GPR158: variants seen among roughly 807,000 people sequenced by gnomAD.
GPR158 encodes the protein G protein-coupled receptor 158.
GPR158 carries 30 observed loss-of-function variants against 78.2 expected under a neutral mutation model. The ratio of observed to expected loss-of-function variants is 0.38; its 90% CI spans 0.29 to 0.52. The LOEUF (loss-of-function observed/expected upper bound fraction) is 0.52, where lower values mean the gene tolerates loss of function less well. GPR158 is among the 20% of genes least tolerant of loss of function. The probability of loss-of-function intolerance (pLI) is 0.83; values close to 1 mark genes in which losing one functional copy is unlikely to be tolerated. For missense variants in GPR158, 1,463 were observed against 1,523.5 expected, an observed-to-expected ratio of 0.96 and a Z score of 0.66; for synonymous variants, 581 against 591.1, an observed-to-expected ratio of 0.98 and a Z score of 0.25.
intron 7 of GPR158, among the ~76,000 whole-genome samples, chr10:25,581,344 G>C (rs1837196592): frequency 6.6e-6 from 1 of 152,196 alleles, no homozygotes. Context: ...ACAGGCATGA[G>C]CCACCATGTG....
At chr10:25,545,401 A>G (rs1426720102) in intron 5 of GPR158, among the ~76,000 whole-genome samples, 1 of 152,120 alleles carries the variant, frequency 6.6e-6, no homozygotes, top group Non-Finnish European at 1.5e-5. Context: ...TTGTCATTCT[A>G]ACTGGCATGA....
chr10:25,566,518 C>A (rs935436412), intron 6 of GPR158, among the ~76,000 whole-genome samples: 2 of 151,994 alleles, frequency 1.3e-5, no homozygotes, highest in East Asian at 3.9e-4. Flanking sequence ...TTTCATTATT[C>A]TTCCTTATTC....
intron 2 of GPR158, 75 bp downstream of exon 2, chr10:25,221,232 A>C: frequency 1.3e-6 from 1 of 777,430 alleles, no homozygotes; most frequent in Non-Finnish European, 2.1e-6. Context: ...TGTGTGGGTA[A>C]ATGAACAAGA....
intron 7 of GPR158, among the ~76,000 whole-genome samples, chr10:25,586,132 C>T (rs547169090): frequency 6.6e-6 from 1 of 152,130 alleles, no homozygotes; most frequent in Admixed American, 6.5e-5. Flanking sequence ...GCCGGGATAA[C>T]AGGATTTGTG....
chr10:25,411,081 A>G (rs1834577718), intron 3 of GPR158, among the ~76,000 whole-genome samples: 1 of 152,066 alleles, frequency 6.6e-6, no homozygotes, highest in African/African-American at 2.4e-5. Flanking sequence ...CAGAGTTGGA[A>G]ATAGTTGTTT....
At chr10:25,369,759 A>G (rs1440748660) in intron 2 of GPR158, among the ~76,000 whole-genome samples, 47 of 151,630 alleles carry the variant, frequency 3.1e-4, no homozygotes, top group South Asian at 6.2e-4. Flanking sequence ...GTTCCTCCTT[A>G]TACCTCTGGT....
At chr10:25,321,667 AAACAAACAAACT>A (rs1854950028) in intron 2 of GPR158, among the ~76,000 whole-genome samples, 1 of 149,866 alleles carries the variant, frequency 6.7e-6, no homozygotes, top group Non-Finnish European at 1.5e-5. Context: ...ACAAACAAAC[AAACAAACAAACT>A]GAATAGACCA....
intron 3 of GPR158, among the ~76,000 whole-genome samples, chr10:25,406,829 T>C (rs1211395933): frequency 1.3e-5 from 2 of 152,144 alleles, no homozygotes; most frequent in Admixed American, 1.3e-4. Flanking sequence ...GAGAAAGATA[T>C]TAGTAGGAGG....
intron 5 of GPR158, among the ~76,000 whole-genome samples, chr10:25,507,696 A>G (rs564195436): frequency 6.6e-6 from 1 of 152,288 alleles, no homozygotes; most frequent in Non-Finnish European, 1.5e-5. Flanking sequence ...CATGACAATC[A>G]CTCTGGTATG....
At chr10:25,363,460 G>A (rs1855672235) in intron 2 of GPR158, among the ~76,000 whole-genome samples, 1 of 151,882 alleles carries the variant, frequency 6.6e-6, no homozygotes, top group African/African-American at 2.4e-5. Context: ...TCACTACCCA[G>A]TGTGCACAGA....
chr10:25,360,434 G>T (rs577994100), intron 2 of GPR158, among the ~76,000 whole-genome samples: 1 of 152,104 alleles, frequency 6.6e-6, no homozygotes, highest in South Asian at 2.1e-4. Flanking sequence ...TGTATAAGGT[G>T]TAAGGAAGGT....
intron 6 of GPR158, among the ~76,000 whole-genome samples, chr10:25,555,788 A>G (rs983832355): frequency 6.6e-6 from 1 of 151,586 alleles, no homozygotes; most frequent in African/African-American, 2.4e-5. Context: ...TTTCAAATGA[A>G]TTTTTAAGCA....
At chr10:25,535,092 C>T (rs1836482416) in intron 5 of GPR158, among the ~76,000 whole-genome samples, 1 of 152,106 alleles carries the variant, frequency 6.6e-6, no homozygotes, top group Non-Finnish European at 1.5e-5. Context: ...GCTTTGTAGT[C>T]TATATTCCTC....
intron 3 of GPR158, among the ~76,000 whole-genome samples, chr10:25,398,737 A>G (rs1834401230): frequency 6.6e-6 from 1 of 152,206 alleles, no homozygotes. Flanking sequence ...TACCCATTGC[A>G]GCCATGAAAG....
In GPR158 at chr10:25,602,224, A is replaced by C. The variant is rs1837510083; in HGVS notation, c.*2950A>C. 6.6e-6 allele frequency: 1 copy of C among 152,644 alleles called. No homozygotes were observed. Among genetic ancestry groups the C allele is most frequent in the African/African-American group, 2.4e-5 (1 of 41,464 alleles). The allele number at this position is 152,644 out of a possible 1,614,324, so 9.5% of individuals were successfully genotyped here. ...CTTCTCTGCAATAAAACATATTTAT[A>C]TGAAAGTGATTTGTGGGGATTTGTG... On this transcript the variant is annotated 3_prime_UTR_variant, in exon 11 of 11. Transcript: ENST00000376351.
chr10:25,242,594 T>G (rs538983122), intron 2 of GPR158, among the ~76,000 whole-genome samples: 2 of 152,360 alleles, frequency 1.3e-5, no homozygotes, highest in South Asian at 4.1e-4. Context: ...GGATAAGCCC[T>G]TGGCCATTCT....
At chr10:25,265,057 C>A (rs1854025390) in intron 2 of GPR158, among the ~76,000 whole-genome samples, 1 of 152,040 alleles carries the variant, frequency 6.6e-6, no homozygotes, top group South Asian at 2.1e-4. Context: ...TTTTTGTGGA[C>A]AGAATTTTTT....
At chr10:25,371,303 G>T (rs1428006927) in intron 2 of GPR158, among the ~76,000 whole-genome samples, 2 of 151,808 alleles carry the variant, frequency 1.3e-5, no homozygotes, top group South Asian at 2.1e-4. Context: ...GCAGTGGCTG[G>T]TACCAGTTGT....
chr10:25,517,581 AG>A (rs1174808639), intron 5 of GPR158, among the ~76,000 whole-genome samples: 3 of 152,064 alleles, frequency 2.0e-5, no homozygotes, highest in East Asian at 1.9e-4. Context: ...TTTAGCATGA[AG>A]GGTTGTTGAA....
Sources: allele counts gnomAD v4.1 joint callset (sites outside exome capture counted in the v4.1 genomes callset), GRCh38; gene constraint gnomAD v4.1.1; transcripts MANE v1.5; gene names NCBI Gene and HGNC (gene_info 2026-07-23, HGNC 2026-07-21).